Variants in IPO11 observed in about 807,000 individuals in gnomAD.
The protein encoded by IPO11 is importin-11.
Under a neutral mutation model 143.2 loss-of-function variants are expected in IPO11, and 66 were observed. That is an observed-to-expected ratio of 0.46 (90% confidence interval 0.38 to 0.57). The LOEUF is 0.57. IPO11 is among the 20% of genes least tolerant of loss of function. The pLI is 0.00. For missense variants in IPO11, 1,026 were observed against 1,141.0 expected, an observed-to-expected ratio of 0.90 and a Z score of 1.45; for synonymous variants, 385 against 377.8, an observed-to-expected ratio of 1.02 and a Z score of -0.22.
intron 22 of IPO11, among the ~76,000 whole-genome samples, chr5:62,531,307 G>A (rs1437939836): frequency 6.6e-6 from 1 of 152,100 alleles, no homozygotes; most frequent in East Asian, 1.9e-4. Context: ...TGAGTAGCTA[G>A]AGCTACAGGC....
chr5:62,591,283 A>T (rs991846093), intron 27 of IPO11, among the ~76,000 whole-genome samples: 10 of 152,206 alleles, frequency 6.6e-5, no homozygotes, highest in Middle Eastern at 6.8e-3. Context: ...CTATGTCTTT[A>T]TCTTTGTAGT....
chr5:62,556,403 A>G (rs1242065568), intron 26 of IPO11, among the ~76,000 whole-genome samples: 1 of 152,182 alleles, frequency 6.6e-6, no homozygotes, highest in Non-Finnish European at 1.5e-5. Flanking sequence ...TATGAGGACT[A>G]CTCCAGTTAC....
At chr5:62,463,969 A>G (rs1179351751) in intron 5 of IPO11, among the ~76,000 whole-genome samples, 1 of 150,218 alleles carries the variant, frequency 6.7e-6, no homozygotes, top group Non-Finnish European at 1.5e-5. Flanking sequence ...GATTACAGGC[A>G]CGTGCCACCA....
At chr5:62,457,390 G>A (rs1483468586) in intron 5 of IPO11, among the ~76,000 whole-genome samples, 3 of 151,898 alleles carry the variant, frequency 2.0e-5, no homozygotes, top group East Asian at 3.9e-4. Context: ...AGGCTGAGGC[G>A]GCAGGATCAC....
intron 27 of IPO11, among the ~76,000 whole-genome samples, chr5:62,571,884 C>T (rs1181791332): frequency 6.6e-6 from 1 of 152,092 alleles, no homozygotes; most frequent in East Asian, 1.9e-4. Flanking sequence ...TAGGGTTTCA[C>T]CATGTTGGCC....
At chr5:62,555,721 T>G (rs1475859130) in intron 26 of IPO11, among the ~76,000 whole-genome samples, 1 of 152,082 alleles carries the variant, frequency 6.6e-6, no homozygotes, top group Non-Finnish European at 1.5e-5. Flanking sequence ...GCCAAGATGG[T>G]CTTGATCTCC....
At chr5:62,553,380 A>G (rs1743461431) in intron 26 of IPO11, among the ~76,000 whole-genome samples, 1 of 150,822 alleles carries the variant, frequency 6.6e-6, no homozygotes, top group Non-Finnish European at 1.5e-5. Context: ...TTCTGTATCC[A>G]TTCATCTGTA....
rs562192416 is a variant in IPO11 at position 62,536,961 on chromosome 5, A to G, written c.2169+180A>G. ...TGTGCTGCATGCAGTTCCTTTCTCA[A>G]TGCAGAAAATGTGCTATGTCAACAA... On this transcript the variant is annotated intron_variant, in intron 23 of 29. Coordinates refer to ENST00000325324, the MANE Select transcript of IPO11 (RefSeq NM_016338.5). 2.4e-4 allele frequency among the ~76,000 whole-genome samples: 36 copies of G among 152,290 alleles called. No individual in the cohort carries two copies. The highest frequency in any genetic ancestry group is 6.5e-5 in the Admixed American group (1 of 15,284).
intron 24 of IPO11, among the ~76,000 whole-genome samples, chr5:62,545,331 A>G (rs1743129760): frequency 6.6e-6 from 1 of 152,214 alleles, no homozygotes; most frequent in Non-Finnish European, 1.5e-5. Context: ...CAAACCTGAC[A>G]AAAACAAGCA....
At chr5:62,552,514 A>G (rs1445319089) in intron 26 of IPO11, among the ~76,000 whole-genome samples, 1 of 144,232 alleles carries the variant, frequency 6.9e-6, no homozygotes, top group Non-Finnish European at 1.5e-5. Flanking sequence ...GTCTTGCTAT[A>G]TTTTCCAAGC....
intron 29 of IPO11, among the ~76,000 whole-genome samples, chr5:62,624,879 G>A (rs1025711149): frequency 6.6e-6 from 1 of 151,676 alleles, no homozygotes; most frequent in Non-Finnish European, 1.5e-5. Flanking sequence ...CAGCTACTCG[G>A]GAGGCTGAGG....
chr5:62,542,785 AATTTGTCAAT>A (rs527337263), intron 24 of IPO11, among the ~76,000 whole-genome samples: 1,763 of 152,290 alleles, frequency 0.012, 19 homozygotes, highest in South Asian at 0.022. Flanking sequence ...TCATATTTGA[AATTTGTCAAT>A]ATTACAGCCG....
intron 27 of IPO11, among the ~76,000 whole-genome samples, chr5:62,567,887 A>G (rs1365512741): frequency 1.3e-5 from 2 of 149,632 alleles, no homozygotes; most frequent in Admixed American, 6.7e-5. Context: ...ATGCTGTCCC[A>G]TAGATCTCGT....
chr5:62,484,961 T>C (rs1746346226), intron 11 of IPO11, among the ~76,000 whole-genome samples: 1 of 151,994 alleles, frequency 6.6e-6, no homozygotes, highest in Non-Finnish European at 1.5e-5. Flanking sequence ...ACATACAACA[T>C]TGTAACATAA....
chr5:62,595,340 G>A (rs1290349804), intron 28 of IPO11, among the ~76,000 whole-genome samples: 2 of 152,254 alleles, frequency 1.3e-5, no homozygotes, highest in African/African-American at 2.4e-5. Context: ...GGGACAGGTA[G>A]GTATGGCTAA....
At chr5:62,529,200 A>T (rs2112310581) in intron 21 of IPO11, among the ~76,000 whole-genome samples, 1 of 152,270 alleles carries the variant, frequency 6.6e-6, no homozygotes, top group African/African-American at 2.4e-5. Context: ...GAATTTGAAC[A>T]AAAGACTTTG....
intron 27 of IPO11, among the ~76,000 whole-genome samples, chr5:62,573,623 G>C (rs1362817787): frequency 6.6e-6 from 1 of 152,176 alleles, no homozygotes; most frequent in Non-Finnish European, 1.5e-5. Flanking sequence ...GAGATTAAAT[G>C]GTAGAAGTTC....
intron 1 of IPO11, among the ~76,000 whole-genome samples, chr5:62,427,251 A>G (rs746374765): frequency 1.6e-4 from 25 of 151,946 alleles, no homozygotes; most frequent in Non-Finnish European, 2.9e-4. Flanking sequence ...ATGCATTTCT[A>G]ACAAGCAGGA....
chr5:62,450,042 G>C (rs1489427426), intron 4 of IPO11, 43 bp downstream of exon 4: 1 of 1,279,216 alleles, frequency 7.8e-7, no homozygotes, highest in Non-Finnish European at 1.1e-6. Context: ...TATTTGTACT[G>C]CTTTTCCAAA....
Sources: gnomAD v4.1 joint callset for allele counts (sites outside exome capture counted in the v4.1 genomes callset) on GRCh38, gnomAD v4.1.1 for gene constraint, MANE v1.5 for transcripts, NCBI Gene and HGNC (gene_info 2026-07-23, HGNC 2026-07-21) for gene names.